ENTREP2: variants seen among roughly 807,000 people sequenced by gnomAD.
ENTREP2 encodes the protein protein ENTREP2.
chr15:29,366,678 G>T, the ENTREP2 span, among the ~76,000 whole-genome samples: 3 of 152,150 alleles, frequency 2.0e-5, no homozygotes, highest in Admixed American at 2.0e-4. Context: ...GCAGTCTTTT[G>T]TGTCTGGCTT....
chr15:29,387,544 C>T, the ENTREP2 span, among the ~76,000 whole-genome samples: 3 of 152,122 alleles, frequency 2.0e-5, no homozygotes, highest in Non-Finnish European at 4.4e-5. Flanking sequence ...GACATAATGC[C>T]GAAGGTAATT....
the ENTREP2 span, among the ~76,000 whole-genome samples, chr15:29,585,683 C>T: frequency 3.3e-5 from 5 of 151,466 alleles, no homozygotes; most frequent in South Asian, 2.1e-4. Context: ...GGGGAAACCC[C>T]GTCTCTACTA....
At chr15:29,239,827 C>T in the ENTREP2 span, among the ~76,000 whole-genome samples, 2 of 152,170 alleles carry the variant, frequency 1.3e-5, no homozygotes, top group Non-Finnish European at 2.9e-5. Context: ...AAACTACACA[C>T]TAGTTTTGCA....
chr15:29,463,008 G>A, the ENTREP2 span, among the ~76,000 whole-genome samples: 8 of 152,150 alleles, frequency 5.3e-5, no homozygotes, highest in Admixed American at 1.3e-4. Flanking sequence ...GGACACACTC[G>A]GACAAGAAGA....
chr15:29,490,114 T>C, the ENTREP2 span, among the ~76,000 whole-genome samples: 1 of 152,234 alleles, frequency 6.6e-6, no homozygotes, highest in Non-Finnish European at 1.5e-5. Context: ...TGGTGGGTTC[T>C]CGGTCTCACT....
At chr15:29,648,412 C>G in the ENTREP2 span, among the ~76,000 whole-genome samples, 3 of 152,220 alleles carry the variant, frequency 2.0e-5, no homozygotes. Context: ...TTAGCTCAGG[C>G]TGGCTGCTGT....
At chr15:29,444,318 A>C in the ENTREP2 span, among the ~76,000 whole-genome samples, 414 of 152,292 alleles carry the variant, frequency 2.7e-3, no homozygotes, top group Non-Finnish European at 4.8e-3. Flanking sequence ...GCAAATCTAC[A>C]TTTTATATAA....
chr15:29,674,579 T>G, the ENTREP2 span, among the ~76,000 whole-genome samples: 4 of 152,190 alleles, frequency 2.6e-5, no homozygotes, highest in South Asian at 8.3e-4. Context: ...GAGCACAGAC[T>G]TTTAATCAGA....
chr15:29,674,253 G>C, the ENTREP2 span, among the ~76,000 whole-genome samples: 1 of 152,004 alleles, frequency 6.6e-6, no homozygotes, highest in East Asian at 1.9e-4. Context: ...CTGCCTGATG[G>C]GCAGAGTTGT....
At chr15:29,298,426 A>T in the ENTREP2 span, among the ~76,000 whole-genome samples, 1 of 152,178 alleles carries the variant, frequency 6.6e-6, no homozygotes, top group African/African-American at 2.4e-5. Flanking sequence ...ATAAAAAGGG[A>T]AAAACAATTC....
At chr15:29,196,597 T>C in the ENTREP2 span, 40 of 1,534,432 alleles carry the variant, frequency 2.6e-5, no homozygotes, top group Non-Finnish European at 3.5e-5. Context: ...ACCTCACCGT[T>C]AACAGGCATT....
At chr15:29,224,752 G>A in the ENTREP2 span, among the ~76,000 whole-genome samples, 6 of 152,230 alleles carry the variant, frequency 3.9e-5, no homozygotes, top group Non-Finnish European at 8.8e-5. Context: ...CCGGCACCGG[G>A]CCGCAGGTGG....
At chr15:29,588,196 T>C in the ENTREP2 span, among the ~76,000 whole-genome samples, 1 of 152,118 alleles carries the variant, frequency 6.6e-6, no homozygotes, top group Non-Finnish European at 1.5e-5. Flanking sequence ...CAGTTCCAGG[T>C]ACCAATTTTC....
At chr15:29,445,616 A>C in the ENTREP2 span, among the ~76,000 whole-genome samples, 1 of 152,178 alleles carries the variant, frequency 6.6e-6, no homozygotes. Flanking sequence ...TCCACAAATA[A>C]GAGGTTACCC....
At chr15:29,256,365 A>T in the ENTREP2 span, among the ~76,000 whole-genome samples, 3,581 of 152,258 alleles carry the variant, frequency 0.024, 158 homozygotes, top group African/African-American at 0.082. Flanking sequence ...TAACAAAAAA[A>T]CCGCAAACAA....
At chr15:29,363,182 G>A in the ENTREP2 span, among the ~76,000 whole-genome samples, 8 of 151,930 alleles carry the variant, frequency 5.3e-5, no homozygotes, top group South Asian at 6.2e-4. Context: ...AAAAGGTCAC[G>A]ACCTTGACTG....
At chr15:29,219,610 CATAAATAT>C in the ENTREP2 span, among the ~76,000 whole-genome samples, 20 of 98,010 alleles carry the variant, frequency 2.0e-4, no homozygotes, top group African/African-American at 8.9e-4. Flanking sequence ...AACTGTGGTG[CATAAATAT>C]ATATATATAT....
the ENTREP2 span, among the ~76,000 whole-genome samples, chr15:29,653,514 A>G: frequency 6.6e-6 from 1 of 152,176 alleles, no homozygotes; most frequent in African/African-American, 2.4e-5. Context: ...AGTTTCCCCA[A>G]TGCTGTTCTC....
chr15:29,200,562 CT>C, the ENTREP2 span, among the ~76,000 whole-genome samples: 142 of 142,212 alleles, frequency 1.0e-3, no homozygotes, highest in Admixed American at 1.3e-3. Context: ...AACCCAGTTT[CT>C]TTTTTTTTTT....
Sources: gnomAD v4.1 joint callset for allele counts (sites outside exome capture counted in the v4.1 genomes callset) on GRCh38, gnomAD v4.1.1 for gene constraint, MANE v1.5 for transcripts, NCBI Gene and HGNC (gene_info 2026-07-23, HGNC 2026-07-21) for gene names.